MNAT1: variants seen among roughly 807,000 people sequenced by gnomAD.
MNAT1 encodes CDK-activating kinase assembly factor MAT1.
In MNAT1, 43 loss-of-function variants were observed where a neutral mutation model predicts 42.0. The ratio of observed to expected loss-of-function variants is 1.02; its 90% CI spans 0.80 to 1.32. MNAT1 has a LOEUF of 1.32. Ranked by LOEUF, MNAT1 falls within the 40% of genes most tolerant of loss-of-function variation. The pLI is 0.00. For missense variants in MNAT1, 306 were observed against 350.4 expected (o/e 0.87, Z 1.01); for synonymous variants, 118 against 120.0 (o/e 0.98, Z 0.11).
intron 7 of MNAT1, 137 bp from the exon 8 acceptor site, chr14:60,968,092 A>G (rs2036715275): frequency 9.7e-6 from 6 of 620,314 alleles, no homozygotes; most frequent in African/African-American, 1.9e-5. Context: ...ATAATAATCT[A>G]TTTATAATAA....
chr14:60,861,911 G>A (rs1314609541), intron 6 of MNAT1, among the ~76,000 whole-genome samples: 1 of 152,202 alleles, frequency 6.6e-6, no homozygotes, highest in Non-Finnish European at 1.5e-5. Flanking sequence ...GATGTGTTGA[G>A]TTGAGAAAGT....
intron 7 of MNAT1, among the ~76,000 whole-genome samples, chr14:60,914,094 T>A (rs1026887069): frequency 2.6e-5 from 4 of 152,196 alleles, no homozygotes; most frequent in African/African-American, 9.6e-5. Context: ...AGCAATGAGC[T>A]AGGCTCTGTG....
At chr14:60,811,964 C>T (rs909060671) in intron 4 of MNAT1, 23 bp from the exon 5 acceptor site, 4 of 1,540,728 alleles carry the variant, frequency 2.6e-6, no homozygotes, top group Non-Finnish European at 3.5e-6. Flanking sequence ...TTATTCCACG[C>T]CATATATAAA....
At chr14:60,764,273 A>G (rs1053102658) in intron 1 of MNAT1, among the ~76,000 whole-genome samples, 5 of 152,194 alleles carry the variant, frequency 3.3e-5, no homozygotes, top group African/African-American at 2.4e-5. Context: ...AAAAGGGGTT[A>G]TATACTTATG....
chr14:60,775,122 C>T (rs1168456674), intron 1 of MNAT1, among the ~76,000 whole-genome samples: 2 of 152,194 alleles, frequency 1.3e-5, no homozygotes, highest in South Asian at 4.2e-4. Flanking sequence ...AGAGGAGAAG[C>T]AGCCAGAAAA....
intron 1 of MNAT1, among the ~76,000 whole-genome samples, chr14:60,784,201 T>TTTTTTTTTTTTTTTTTC (rs1435948099): frequency 7.0e-6 from 1 of 143,868 alleles, no homozygotes; most frequent in African/African-American, 2.6e-5. Flanking sequence ...TTTTTTTTTT[T>TTTTTTTTTTTTTTTTTC]TTAGTAGAGG....
At chr14:60,937,344 G>A (rs2036020137) in intron 7 of MNAT1, among the ~76,000 whole-genome samples, 2 of 152,226 alleles carry the variant, frequency 1.3e-5, no homozygotes, top group Middle Eastern at 3.4e-3. Flanking sequence ...TTCTTCTATG[G>A]TTTTTATGGT....
chr14:60,775,033 G>C (rs901049402), intron 1 of MNAT1, among the ~76,000 whole-genome samples: 1 of 152,104 alleles, frequency 6.6e-6, no homozygotes, highest in Middle Eastern at 3.2e-3. Flanking sequence ...CAGCTGTTTA[G>C]ACTGGATATG....
chr14:60,818,595 C>T, intron 5 of MNAT1, 127 bp from the exon 6 acceptor site: 1 of 688,154 alleles, frequency 1.5e-6, no homozygotes, highest in Non-Finnish European at 2.1e-6. Context: ...TGTAAAGTGT[C>T]CTCCATAATG....
intron 5 of MNAT1, 43 bp downstream of exon 5, chr14:60,812,170 G>T: frequency 6.8e-7 from 1 of 1,472,598 alleles, no homozygotes; most frequent in Non-Finnish European, 9.0e-7. Flanking sequence ...ACATTCTTCA[G>T]GATTTACCTT....
chr14:60,782,901 A>T (rs75535113), intron 1 of MNAT1, among the ~76,000 whole-genome samples: 8,027 of 152,298 alleles, frequency 0.053, 301 homozygotes, highest in South Asian at 0.11. Context: ...AGCAGACATA[A>T]CTTTGTTCTG....
intron 6 of MNAT1, among the ~76,000 whole-genome samples, chr14:60,847,372 C>G (rs762885253): frequency 1.4e-5 from 2 of 144,812 alleles, no homozygotes; most frequent in Non-Finnish European, 3.0e-5. Context: ...CCACTGCAGT[C>G]TGGCCTGGGT....
intron 7 of MNAT1, among the ~76,000 whole-genome samples, chr14:60,909,381 A>G (rs905119874): frequency 2.6e-4 from 39 of 152,106 alleles, no homozygotes; most frequent in Non-Finnish European, 4.4e-4. Context: ...TGGTGTTTTA[A>G]ACATGAAGTC....
intron 3 of MNAT1, among the ~76,000 whole-genome samples, chr14:60,801,942 TAAA>T (rs2032214588): frequency 6.6e-6 from 1 of 152,254 alleles, no homozygotes; most frequent in African/African-American, 2.4e-5. Context: ...ACTTCAGCCT[TAAA>T]AAAGAAGGTA....
intron 6 of MNAT1, among the ~76,000 whole-genome samples, chr14:60,836,338 C>A (rs1289517543): frequency 5.3e-5 from 8 of 152,134 alleles, no homozygotes; most frequent in African/African-American, 1.9e-4. Context: ...GAATTTTCAG[C>A]CTTTTTGCAC....
intron 6 of MNAT1, among the ~76,000 whole-genome samples, chr14:60,835,050 A>G (rs2033350354): frequency 7.4e-6 from 1 of 135,426 alleles, no homozygotes; most frequent in Non-Finnish European, 1.5e-5. Context: ...AAAGTCAGTT[A>G]TATCAGAGTC....
chr14:60,949,274 C>T (rs1053177410), intron 7 of MNAT1, among the ~76,000 whole-genome samples: 1 of 152,034 alleles, frequency 6.6e-6, no homozygotes, highest in African/African-American at 2.4e-5. Context: ...ATGTTCTTGG[C>T]GTAGGAAAAC....
intron 7 of MNAT1, among the ~76,000 whole-genome samples, chr14:60,911,546 A>C (rs578252542): frequency 2.0e-5 from 3 of 152,258 alleles, no homozygotes; most frequent in African/African-American, 7.2e-5. Context: ...TTGGTTTCAA[A>C]GAACATCTTT....
chr14:60,865,329 G>T (rs1438742359), intron 6 of MNAT1, among the ~76,000 whole-genome samples: 2 of 152,016 alleles, frequency 1.3e-5, no homozygotes, highest in Non-Finnish European at 2.9e-5. Flanking sequence ...TGTATAAGTT[G>T]TCATTGTTGG....
Sources: gnomAD v4.1 joint callset for allele counts (sites outside exome capture counted in the v4.1 genomes callset) on GRCh38, gnomAD v4.1.1 for gene constraint, MANE v1.5 for transcripts, NCBI Gene and HGNC (gene_info 2026-07-23, HGNC 2026-07-21) for gene names.